FLNB: variants seen among roughly 807,000 people sequenced by gnomAD.
FLNB encodes filamin B.
In FLNB, 111 loss-of-function variants were observed where a neutral mutation model predicts 250.6. The observed-to-expected ratio is 0.44, with a 90% CI of 0.38 to 0.52. The LOEUF (loss-of-function observed/expected upper bound fraction) is 0.52, where lower values mean the gene tolerates loss of function less well. Among genes scored for constraint, FLNB ranks in the 20% least tolerant of loss-of-function variants. The pLI, the probability that FLNB is intolerant of heterozygous loss-of-function variation, is 0.00. For synonymous variants in FLNB, 1,302 were observed against 1,372.1 expected, an observed-to-expected ratio of 0.95 and a Z score of 1.13; for missense variants, 2,869 against 3,447.8, an observed-to-expected ratio of 0.83 and a Z score of 4.20.
chr3:58,093,542 T>C (rs1008065267), intron 4 of FLNB, among the ~76,000 whole-genome samples: 1 of 152,134 alleles, frequency 6.6e-6, no homozygotes, highest in Non-Finnish European at 1.5e-5. Context: ...GAAGATGCTC[T>C]TGTCACCAAG....
At chr3:58,059,800 C>A (rs2097175489) in intron 1 of FLNB, among the ~76,000 whole-genome samples, 1 of 152,176 alleles carries the variant, frequency 6.6e-6, no homozygotes, top group South Asian at 2.1e-4. Context: ...ATGTAACCCT[C>A]AGCATTTTCC....
intron 41 of FLNB, among the ~76,000 whole-genome samples, chr3:58,158,951 C>T (rs975491453): frequency 4.6e-5 from 7 of 151,788 alleles, no homozygotes; most frequent in African/African-American, 7.3e-5. Flanking sequence ...CGAGATAGAT[C>T]GTTATTATGC....
chr3:58,068,631 A>C (rs955442587), intron 1 of FLNB, among the ~76,000 whole-genome samples: 5 of 152,188 alleles, frequency 3.3e-5, no homozygotes, highest in African/African-American at 1.2e-4. Context: ...GTTTGGGCTC[A>C]GAAAACAGGC....
rs1009842406 is a variant in FLNB at position 58,105,149 on chromosome 3, T to C, written c.1680T>C (p.His560=). Reference sequence around the variant, plus strand: ...TCCGTGCTTGGGGCCCTGGGCTCCATGGTGGGATTGTCGGGCGGTCAGCGG... The same window carrying C: ...TCCGTGCTTGGGGCCCTGGGCTCCACGGTGGGATTGTCGGGCGGTCAGCGG... ...QKVRAWGPGL[H]GGIVGRSADF... The change falls in exon 11 of 46, where the codon CAT becomes CAC. Residue 560 remains histidine (H), a synonymous_variant. Coordinates refer to ENST00000295956, the MANE Select transcript of FLNB (RefSeq NM_001457.4). The C allele has an allele frequency of 2.5e-6, 4 of 1,614,074 alleles. No homozygotes were observed. Among genetic ancestry groups the C allele is most frequent in the Non-Finnish European group, 3.4e-6 (4 of 1,180,040 alleles).
chr3:58,019,475 G>T (rs962225326), intron 1 of FLNB, among the ~76,000 whole-genome samples: 5 of 152,088 alleles, frequency 3.3e-5, no homozygotes, highest in African/African-American at 9.7e-5. Context: ...TTTCTTTTAG[G>T]TTGACATCTG....
At chr3:58,050,859 C>T (rs2097161217) in intron 1 of FLNB, among the ~76,000 whole-genome samples, 1 of 152,216 alleles carries the variant, frequency 6.6e-6, no homozygotes, top group East Asian at 1.9e-4. Flanking sequence ...AGGCCTCTCC[C>T]AGCATTTGTT....
chr3:58,102,308 G>A lies in FLNB; in HGVS notation c.1451G>A (p.Ser484Asn). 1.9e-6 allele frequency: 3 copies of A among 1,614,234 alleles called. No homozygotes were observed. Among genetic ancestry groups the A allele is most frequent in the South Asian group, 2.2e-5 (2 of 91,080 alleles). Residue 484 changes from serine to asparagine, a missense_variant, in exon 9 of 46, where the codon AGT becomes AAT. By Grantham distance (46) the Ser-to-Asn change is conservative. Coordinates refer to ENST00000295956, the MANE Select transcript of FLNB (RefSeq NM_001457.4). Reference protein sequence around the residue: ...DFKVDTKAAGSGELGVTMKGP... With the variant: ...DFKVDTKAAGNGELGVTMKGP... The stretch of plus-strand genomic sequence containing the variant: ...AAGGTTGACACCAAAGCTGCAGGAA[G>A]TGGGGAGCTCGGTGTAACCATGAAG...
intron 42 of FLNB, 82 bp downstream of exon 42, chr3:58,159,768 G>A: frequency 5.4e-6 from 8 of 1,477,054 alleles, no homozygotes; most frequent in Non-Finnish European, 7.5e-6. Flanking sequence ...CCAAGGGAGG[G>A]CTGATCAGTT....
intron 1 of FLNB, among the ~76,000 whole-genome samples, chr3:58,064,839 C>T (rs1230240635): frequency 6.6e-6 from 1 of 152,044 alleles, no homozygotes; most frequent in Non-Finnish European, 1.5e-5. Flanking sequence ...ATGGCAAAAC[C>T]TTGTCTCCCC....
intron 45 of FLNB, 68 bp from the exon 46 acceptor site, chr3:58,170,507 C>G: frequency 6.6e-7 from 1 of 1,509,288 alleles, no homozygotes; most frequent in Non-Finnish European, 9.2e-7. Context: ...CTTTGGCTCT[C>G]ATATTTCCTC....
At chr3:58,009,562 T>C (rs1165483053) in intron 1 of FLNB, among the ~76,000 whole-genome samples, 2 of 152,134 alleles carry the variant, frequency 1.3e-5, no homozygotes, top group African/African-American at 4.8e-5. Context: ...ATTGCTGTCT[T>C]GTAGGGAGCC....
intron 1 of FLNB, among the ~76,000 whole-genome samples, chr3:58,051,047 T>C (rs1300881807): frequency 1.3e-5 from 2 of 152,212 alleles, no homozygotes; most frequent in Non-Finnish European, 2.9e-5. Flanking sequence ...GAATATGCTT[T>C]GTCCCAGCCT....
chr3:58,085,362 G>T (rs2097215829), intron 4 of FLNB, among the ~76,000 whole-genome samples: 1 of 152,262 alleles, frequency 6.6e-6, no homozygotes, highest in South Asian at 2.1e-4. Context: ...CATGTGGTTA[G>T]ATGAAAGCCG....
chr3:58,026,311 C>T (rs1226265851), intron 1 of FLNB, among the ~76,000 whole-genome samples: 4 of 152,096 alleles, frequency 2.6e-5, no homozygotes, highest in African/African-American at 4.8e-5. Context: ...GAGTCTGACT[C>T]GTCCCTGCCT....
At chr3:58,152,604 G>A (rs1432392564) in intron 38 of FLNB, 2 of 363,974 alleles carry the variant, frequency 5.5e-6, no homozygotes, top group East Asian at 1.6e-4. Context: ...CCATCACATT[G>A]TTGGGGGTAG....
intron 16 of FLNB, among the ~76,000 whole-genome samples, chr3:58,111,129 GCAATGACTGTGGTCTCCAC>G (rs1355545676): frequency 1.3e-5 from 2 of 152,318 alleles, no homozygotes; most frequent in Admixed American, 1.3e-4. Context: ...TGCCTTTGAA[GCAATGACTGTGGTCTCCAC>G]CCTTAAATTT....
chr3:58,038,283 C>A (rs1177313933), intron 1 of FLNB, among the ~76,000 whole-genome samples: 1 of 152,082 alleles, frequency 6.6e-6, no homozygotes, highest in Non-Finnish European at 1.5e-5. Flanking sequence ...CCTGCCTTGG[C>A]CTCCCAAAGT....
intron 1 of FLNB, among the ~76,000 whole-genome samples, chr3:58,048,828 T>G (rs1171162086): frequency 6.6e-6 from 1 of 152,262 alleles, no homozygotes; most frequent in Non-Finnish European, 1.5e-5. Context: ...TTTGTATGTG[T>G]GTTAATTTTT....
chr3:58,091,900 T>C (rs1283729661), intron 4 of FLNB, among the ~76,000 whole-genome samples: 1 of 152,186 alleles, frequency 6.6e-6, no homozygotes, highest in African/African-American at 2.4e-5. Context: ...ATTTTACTTT[T>C]ACAAACAATT....
Sources: gnomAD v4.1 joint callset for allele counts (sites outside exome capture counted in the v4.1 genomes callset) on GRCh38, gnomAD v4.1.1 for gene constraint, MANE v1.5 for transcripts, NCBI Gene and HGNC (gene_info 2026-07-23, HGNC 2026-07-21) for gene names.